CORO2B: variants seen among roughly 807,000 people sequenced by gnomAD.
The protein encoded by CORO2B is coronin-2B.
In CORO2B, 26 loss-of-function variants were observed where a neutral mutation model predicts 58.8. The observed-to-expected ratio is 0.44, with a 90% CI of 0.32 to 0.61. The LOEUF is 0.61. Among genes scored for constraint, CORO2B ranks in the 20% least tolerant of loss-of-function variants. The pLI is 0.04. For missense variants in CORO2B, 460 were observed against 645.1 expected (o/e 0.71, Z 3.11); for synonymous variants, 242 against 253.8 (o/e 0.95, Z 0.44).
At chr15:68,679,880 G>A (rs1278897314) in intron 2 of CORO2B, among the ~76,000 whole-genome samples, 2 of 152,168 alleles carry the variant, frequency 1.3e-5, no homozygotes, top group African/African-American at 2.4e-5. Context: ...TCATTACCTC[G>A]GAGGTGGTGC....
intron 2 of CORO2B, among the ~76,000 whole-genome samples, chr15:68,647,317 T>G (rs1901466265): frequency 6.6e-6 from 1 of 152,238 alleles, no homozygotes; most frequent in African/African-American, 2.4e-5. Flanking sequence ...AGCCACATAC[T>G]TGACTACAAT....
At chr15:68,601,305 G>C (rs1238737623) in intron 1 of CORO2B, among the ~76,000 whole-genome samples, 1 of 152,226 alleles carries the variant, frequency 6.6e-6, no homozygotes, top group African/African-American at 2.4e-5. Context: ...GGCAGGCGGG[G>C]ACAGGATGGG....
rs1422715772 is a variant in CORO2B at position 68,714,645 on chromosome 15, G to A, written c.852G>A (p.Met284Ile). ...LFPFYDADTH[M>I]LYLAGKGDGN... ...CCTTCTATGATGCTGACACCCACATGCTCTACCTGGCTGGAAAGGTAGTAG... is the reference window on the plus strand; with the variant it reads ...CCTTCTATGATGCTGACACCCACATACTCTACCTGGCTGGAAAGGTAGTAG... The change falls in exon 7 of 12, where the codon ATG (methionine) becomes ATA (isoleucine). Residue 284 changes from methionine to isoleucine, a missense_variant. Physicochemically the swap from Met to Ile is conservative, Grantham distance 10 (BLOSUM62 1). Coordinates refer to ENST00000261861, the MANE Select transcript of CORO2B (RefSeq NM_006091.5). 6.2e-7 allele frequency: 1 copy of A among 1,613,788 alleles called. No individual in the cohort carries two copies. The highest frequency in any genetic ancestry group is 1.3e-5 in the African/African-American group (1 of 74,892).
chr15:68,672,992 A>G (rs1902454252), intron 2 of CORO2B, among the ~76,000 whole-genome samples: 1 of 152,124 alleles, frequency 6.6e-6, no homozygotes, highest in South Asian at 2.1e-4. Flanking sequence ...GTGCAGGTGG[A>G]TGTGAGGACA....
the CORO2B span, among the ~76,000 whole-genome samples, chr15:68,551,033 G>A: frequency 6.6e-6 from 1 of 152,106 alleles, no homozygotes; most frequent in Non-Finnish European, 1.5e-5. Flanking sequence ...GCAGCACACT[G>A]GGTGTGTGTC....
At chr15:68,618,019 CAG>C (rs1333958261) in intron 1 of CORO2B, among the ~76,000 whole-genome samples, 2 of 152,154 alleles carry the variant, frequency 1.3e-5, no homozygotes, top group Admixed American at 6.6e-5. Context: ...CAGAGTTGAA[CAG>C]AGTCAGTACC....
chr15:68,583,062 C>T (rs939732327), intron 1 of CORO2B, among the ~76,000 whole-genome samples: 3 of 152,172 alleles, frequency 2.0e-5, no homozygotes, highest in Admixed American at 1.3e-4. Flanking sequence ...GTGGGCAGCA[C>T]GATCAACTGT....
chr15:68,636,411 G>A (rs1444447628), intron 1 of CORO2B, among the ~76,000 whole-genome samples: 1 of 152,212 alleles, frequency 6.6e-6, no homozygotes, highest in African/African-American at 2.4e-5. Context: ...CTCTGGCTGG[G>A]CTTGCATTGG....
chr15:68,545,154 CTCTG>C, the CORO2B span, among the ~76,000 whole-genome samples: 1 of 152,206 alleles, frequency 6.6e-6, no homozygotes, highest in Non-Finnish European at 1.5e-5. Context: ...GGCAGGACTC[CTCTG>C]AGAGTGACAC....
intron 1 of CORO2B, among the ~76,000 whole-genome samples, chr15:68,630,565 C>T (rs1900801415): frequency 6.6e-6 from 1 of 152,106 alleles, no homozygotes; most frequent in Non-Finnish European, 1.5e-5. Context: ...TGTTCAAAGA[C>T]TCAGAGATCT....
At chr15:68,542,456 C>T in the CORO2B span, among the ~76,000 whole-genome samples, 1 of 152,258 alleles carries the variant, frequency 6.6e-6, no homozygotes, top group African/African-American at 2.4e-5. Flanking sequence ...TAAGAGAATA[C>T]TGCATCTTTT....
chr15:68,551,365 A>G, the CORO2B span, among the ~76,000 whole-genome samples: 1 of 152,104 alleles, frequency 6.6e-6, no homozygotes, highest in African/African-American at 2.4e-5. Context: ...GCCCAGGCCC[A>G]ACCTGGCATG....
At chr15:68,679,831 C>T (rs1902714101) in intron 2 of CORO2B, among the ~76,000 whole-genome samples, 1 of 152,188 alleles carries the variant, frequency 6.6e-6, no homozygotes, top group Non-Finnish European at 1.5e-5. Flanking sequence ...TGTTCACTTA[C>T]AATGTAAAGG....
At chr15:68,648,877 C>A (rs548639529) in intron 2 of CORO2B, among the ~76,000 whole-genome samples, 105 of 152,322 alleles carry the variant, frequency 6.9e-4, no homozygotes, top group African/African-American at 2.4e-3. Flanking sequence ...TTTAAAGATG[C>A]ATGTCTACTG....
At chr15:68,715,575 G>A (rs1336006033) in intron 8 of CORO2B, among the ~76,000 whole-genome samples, 1 of 152,196 alleles carries the variant, frequency 6.6e-6, no homozygotes, top group Non-Finnish European at 1.5e-5. Context: ...ATCGCAGATG[G>A]GGAGCCTGAA....
At chr15:68,525,574 T>G in the CORO2B span, among the ~76,000 whole-genome samples, 14 of 152,224 alleles carry the variant, frequency 9.2e-5, no homozygotes, top group Admixed American at 8.5e-4. Flanking sequence ...TTCTGTTACT[T>G]GCTCACTCAA....
chr15:68,528,150 G>A, the CORO2B span, among the ~76,000 whole-genome samples: 17,443 of 152,054 alleles, frequency 0.11, 1,032 homozygotes, highest in Middle Eastern at 0.13. Flanking sequence ...CTATTTCACT[G>A]GATAGGATCT....
intron 2 of CORO2B, among the ~76,000 whole-genome samples, chr15:68,653,837 T>C (rs1348312456): frequency 7.5e-6 from 1 of 132,584 alleles, no homozygotes; most frequent in Non-Finnish European, 1.6e-5. Flanking sequence ...AGCACTGAGC[T>C]CCTCAAACCT....
chr15:68,598,194 C>T (rs554596288), intron 1 of CORO2B, among the ~76,000 whole-genome samples: 1 of 152,322 alleles, frequency 6.6e-6, no homozygotes, highest in South Asian at 2.1e-4. Context: ...GCTCTGTAGG[C>T]AGCCCCTGGA....
Sources: allele counts gnomAD v4.1 joint callset (sites outside exome capture counted in the v4.1 genomes callset), GRCh38; gene constraint gnomAD v4.1.1; transcripts MANE v1.5; gene names NCBI Gene and HGNC (gene_info 2026-07-23, HGNC 2026-07-21).